RRM1: variants seen among roughly 807,000 people sequenced by gnomAD.
The protein encoded by RRM1 is ribonucleoside-diphosphate reductase large subunit.
RRM1 carries 19 observed loss-of-function variants against 101.5 expected under a neutral mutation model. The ratio of observed to expected loss-of-function variants is 0.19; its 90% CI spans 0.13 to 0.27. The LOEUF is 0.27. RRM1 is among the 10% of genes least tolerant of loss of function. RRM1 has a pLI of 1.00. For synonymous variants in RRM1, 298 were observed against 323.4 expected (o/e 0.92, Z 0.84); for missense variants, 500 against 962.9 (o/e 0.52, Z 6.36).
At chr11:4,107,875 A>G (rs189307051) in intron 4 of RRM1, among the ~76,000 whole-genome samples, 1 of 152,086 alleles carries the variant, frequency 6.6e-6, no homozygotes, top group African/African-American at 2.4e-5. Flanking sequence ...ACCCTTTTTT[A>G]TAACAGTTGT....
At position 4,094,889 on chromosome 11, in the gene RRM1, A is replaced by T. The variant is rs2094540814; in HGVS notation, c.-124A>T. 1 of 1,004,670 alleles carries T rather than the reference A, an allele frequency of 1.0e-6. No individual in the cohort carries two copies. The highest frequency in any genetic ancestry group is 1.5e-6 in the Non-Finnish European group (1 of 651,306). The allele number at this position is 1,004,670 out of a possible 1,614,324, so 62.2% of individuals were successfully genotyped here. On this transcript the variant is annotated 5_prime_UTR_variant, in exon 1 of 19. Coordinates refer to ENST00000300738, the MANE Select transcript of RRM1 (RefSeq NM_001033.5). ...GAAAGTGCTGTCTGGCTCCAACTCC[A>T]GTTCTTTCCCCTGAGCAGCGCCTGG...
At chr11:4,127,298 T>C (rs1421822006) in intron 14 of RRM1, 42 bp downstream of exon 14, 1 of 1,319,542 alleles carries the variant, frequency 7.6e-7, no homozygotes, top group African/African-American at 1.5e-5. Flanking sequence ...TGAGTACCTG[T>C]AGTGGGCTGA....
chr11:4,115,027 G>T (rs1434040462), intron 7 of RRM1, among the ~76,000 whole-genome samples: 2 of 151,914 alleles, frequency 1.3e-5, no homozygotes, highest in Non-Finnish European at 2.9e-5. Context: ...AAGTTTTTTA[G>T]AAATTTCTCT....
chr11:4,125,810 C>T (rs948095408), intron 12 of RRM1, among the ~76,000 whole-genome samples: 2 of 152,080 alleles, frequency 1.3e-5, no homozygotes, highest in Non-Finnish European at 2.9e-5. Flanking sequence ...TTCTTCCTGG[C>T]ATTTATTAGA....
rs994906980 is a variant in RRM1, at chr11:4,125,061, C to T, written c.1321-1623C>T. On this transcript the variant is annotated intron_variant, in intron 12 of 18. Coordinates refer to ENST00000300738, the MANE Select transcript of RRM1 (RefSeq NM_001033.5). ...TCCCGAGTAGCTGGGACTACAGGCG[C>T]GTGCCACCACACCCAGCTAATTTTT... 4.6e-5 allele frequency among the ~76,000 whole-genome samples: 7 copies of T among 151,816 alleles called. No individual in the cohort carries two copies. In the East Asian group the frequency reaches 5.8e-4, roughly 13 times the overall value.
intron 7 of RRM1, 82 bp from the exon 8 acceptor site, chr11:4,118,238 T>G (rs2094576642): frequency 1.6e-6 from 2 of 1,270,602 alleles, no homozygotes; most frequent in Non-Finnish European, 2.2e-6. Context: ...TTTTTTTGCC[T>G]TAGTGTCTTT....
chr11:4,132,539 G>C lies in RRM1; in HGVS notation c.1905+118G>C. 1.2e-6 allele frequency: 1 copy of C among 852,946 alleles called. No homozygotes were observed. The highest frequency in any genetic ancestry group is 1.7e-5 in the South Asian group (1 of 58,582). 52.8% of individuals were successfully genotyped at this position (852,946 alleles called of 1,614,324 possible). On this transcript the variant is annotated intron_variant, in intron 16 of 18. Transcript: ENST00000300738. This position sits in a 1 kb window ranked among gnomAD's most constrained non-coding sequence, Gnocchi z 4.1. ...TAGTTTGGGTGCAAACTTTGATAAA[G>C]ACAGTCATCTTCATCTCTAATATTA...
At position 4,132,216 on chromosome 11, in the gene RRM1, A is replaced by T. The variant is rs2094601732; in HGVS notation, c.1770-70A>T. On this transcript the variant is annotated intron_variant, in intron 15 of 18. Coordinates refer to ENST00000300738, the MANE Select transcript of RRM1 (RefSeq NM_001033.5). The surrounding 1 kb of genome is among the most constrained non-coding windows in gnomAD (Gnocchi z 4.1). The stretch of plus-strand genomic sequence containing the variant: ...ACATTTATCTACATTTACTACAGTG[A>T]CTTAAAGTAGCTGCTTTCCTGGCAG... The T allele has an allele frequency of 2.1e-6, 3 of 1,451,758 alleles. No homozygotes were observed. In the Admixed American group the frequency reaches 5.1e-5, roughly 25 times the overall value. 89.9% of individuals were successfully genotyped at this position (1,451,758 alleles called of 1,614,324 possible).
chr11:4,103,841 C>T lies in RRM1; in HGVS notation c.108+1760C>T, dbSNP rs866811562. On this transcript the variant is annotated intron_variant, in intron 2 of 18. Coordinates refer to ENST00000300738, the MANE Select transcript of RRM1 (RefSeq NM_001033.5). Reference sequence around the variant, plus strand: ...ACAGGGTTTTGCTATGTTGGCCAGGCTCGTCTTGAACTCCTGACCTCAAGT... The same window carrying T: ...ACAGGGTTTTGCTATGTTGGCCAGGTTCGTCTTGAACTCCTGACCTCAAGT... Among the ~76,000 whole-genome samples the T allele has an allele frequency of 9.1e-5, 12 of 132,202 alleles. No individual in the cohort carries two copies. The Middle Eastern group carries it at 0.018, about 200-fold the overall frequency. 86.7% of individuals were successfully genotyped at this position (132,202 alleles called of 152,430 possible). A position where few individuals can be genotyped will look rare whatever the true frequency, so the allele number is the denominator to read the frequency against.
In RRM1 at chr11:4,135,085, A is replaced by C; in HGVS notation, c.2005A>C (p.Ile669Leu). 1 of 1,608,188 alleles carries C rather than the reference A, an allele frequency of 6.2e-7. No individual in the cohort carries two copies. Among genetic ancestry groups the C allele is most frequent in the Non-Finnish European group, 8.5e-7 (1 of 1,176,028 alleles). Residue 669 changes from isoleucine to leucine, a missense_variant, in exon 18 of 19, where the codon ATA (isoleucine) becomes CTA (leucine). Ile to Leu is a conservative substitution (Grantham distance 5). Around this residue, in one of 9 missense-constraint regions of RRM1, gnomAD observed 79 missense variants for 176.4 expected, o/e 0.45. Coordinates refer to ENST00000300738, the MANE Select transcript of RRM1 (RefSeq NM_001033.5). The stretch of plus-strand genomic sequence containing the variant: ...ACATTGGGTTTTCCTTCTTTAGAGC[A>C]TACCAGAAATTCCTGATGACCTGAA... ...IIACNGSIQS[I>L]PEIPDDLKQL...
chr11:4,107,295 T>C (rs2094559617), intron 3 of RRM1, 140 bp from the exon 4 acceptor site: 3 of 608,236 alleles, frequency 4.9e-6, no homozygotes, highest in African/African-American at 3.7e-5. Flanking sequence ...ATGTGTTTAT[T>C]GAGCACTTTA....
In RRM1 at chr11:4,126,748, A is replaced by G. The variant is rs1308111390; in HGVS notation, c.1385A>G (p.Asp462Gly). The G allele has an allele frequency of 1.9e-6, 3 of 1,613,920 alleles. No individual in the cohort carries two copies. The highest frequency in any genetic ancestry group is 2.5e-6 in the Non-Finnish European group (3 of 1,179,868). ...NMYVTSEHTY[D>G]FKKLAEVTKV... ...TATGTCACATCAGAACACACATACG[A>G]CTTTAAGAAGTTGGCTGAAGTCACT... The change falls in exon 13 of 19, where the codon GAC becomes GGC. Residue 462 changes from aspartate (D) to glycine (G), a missense_variant. Physicochemically the swap from Asp to Gly is moderately conservative, Grantham distance 94. This residue lies in a region of RRM1 where 80 missense variants were observed against 170.9 expected (regional missense o/e 0.47). Transcript: ENST00000300738.
At position 4,101,564 on chromosome 11, in the gene RRM1, C is replaced by CCCCCT. The variant is rs1554973354; in HGVS notation, c.20-425_20-424insTCCCC. On this transcript the variant is annotated intron_variant, in intron 1 of 18. Transcript: ENST00000300738. ...CCTGACCTCCAGTGATCCACACCCC[C>CCCCCT]CCCCGCTCCCTTGGCCTCCCAAAGT... Among the ~76,000 whole-genome samples, 14 of 114,770 alleles carry CCCCCT rather than the reference C, an allele frequency of 1.2e-4. 1 individual carries two copies. The highest frequency in any genetic ancestry group is 4.6e-4 in the African/African-American group (14 of 30,272). The allele number at this position is 114,770 out of a possible 152,430, so 75.3% of individuals were successfully genotyped here. A position where few individuals can be genotyped will look rare whatever the true frequency, so the allele number is the denominator to read the frequency against.
chr11:4,132,434 C>T lies in RRM1; in HGVS notation c.1905+13C>T. 6.2e-7 allele frequency: 1 copy of T among 1,613,792 alleles called. No homozygotes were observed. The highest frequency in any genetic ancestry group is 1.1e-5 in the South Asian group (1 of 91,054). On this transcript the variant is annotated intron_variant, in intron 16 of 18. Transcript: ENST00000300738. This position sits in a 1 kb window ranked among gnomAD's most constrained non-coding sequence, Gnocchi z 4.1. Reference sequence around the variant, plus strand: ...AGGAGAATTTCAGGTGAGCAGTTCACAACCAGCCTTACAGGGAGATCTTTC... The same window carrying T: ...AGGAGAATTTCAGGTGAGCAGTTCATAACCAGCCTTACAGGGAGATCTTTC...
chr11:4,120,712 C>G (rs2268167), intron 9 of RRM1, among the ~76,000 whole-genome samples: 9,891 of 152,264 alleles, frequency 0.065, 405 homozygotes, highest in African/African-American at 0.12. Context: ...AATAACAAAA[C>G]TCTCCCTAAT....
chr11:4,135,307 C>G, intron 18 of RRM1, 37 bp downstream of exon 18: 1 of 1,456,000 alleles, frequency 6.9e-7, no homozygotes, highest in Non-Finnish European at 9.3e-7. Flanking sequence ...TAATTGCCAG[C>G]TTGAGATATT....
At chr11:4,111,506 G>T in intron 5 of RRM1, 95 bp from the exon 6 acceptor site, 2 of 699,686 alleles carry the variant, frequency 2.9e-6, no homozygotes. Context: ...TAGAAACGGC[G>T]AAGATTTAAA....
chr11:4,096,459 C>T (rs2133281122), intron 1 of RRM1, among the ~76,000 whole-genome samples: 1 of 152,302 alleles, frequency 6.6e-6, no homozygotes, highest in Middle Eastern at 3.4e-3. Flanking sequence ...AGCCAATGTC[C>T]AGATTGGTTT....
Position 4,094,814 on chromosome 11 carries a change from G to A in RRM1, c.-199G>A. 3.3e-6 allele frequency: 2 copies of A among 608,868 alleles called. No homozygotes were observed. Among genetic ancestry groups the A allele is most frequent in the Middle Eastern group, 4.5e-4 (1 of 2,222 alleles). The allele number at this position is 608,868 out of a possible 1,614,324, so 37.7% of individuals were successfully genotyped here. On this transcript the variant is annotated 5_prime_UTR_variant, in exon 1 of 19. Coordinates refer to ENST00000300738, the MANE Select transcript of RRM1 (RefSeq NM_001033.5). ...CCCGTCGCGCCCCTTTGTGCGTCAC[G>A]GGTGGCGGGCGCGGGAAGGGGATTT... is the stretch of plus-strand genomic sequence containing the variant.
Sources: gnomAD v4.1 joint callset for allele counts (sites outside exome capture counted in the v4.1 genomes callset) on GRCh38, gnomAD v4.1.1 for gene constraint, gnomAD v4.1.1 regional missense constraint, Gnocchi (gnomAD v3.1) non-coding constraint, MANE v1.5 for transcripts, NCBI Gene and HGNC (gene_info 2026-07-23, HGNC 2026-07-21) for gene names.